RANBP17: variants seen among roughly 807,000 people sequenced by gnomAD.
RANBP17 encodes ran-binding protein 17.
In RANBP17, 158 loss-of-function variants were observed where a neutral mutation model predicts 141.2. That is an observed-to-expected ratio of 1.12 (90% CI 0.98 to 1.28). The LOEUF (loss-of-function observed/expected upper bound fraction) is 1.28. Among genes scored for constraint, RANBP17 ranks in the 50% most tolerant of loss-of-function variants. The pLI is 0.00. For missense variants in RANBP17, 1,438 were observed against 1,290.7 expected (o/e 1.11, Z -1.75); for synonymous variants, 430 against 450.0 (o/e 0.96, Z 0.56).
At chr5:171,137,594 G>GTGTC (rs976814360) in intron 14 of RANBP17, among the ~76,000 whole-genome samples, 3 of 143,620 alleles carry the variant, frequency 2.1e-5, no homozygotes, top group South Asian at 2.1e-4. Flanking sequence ...GTGTGTGTGT[G>GTGTC]TGTGTGTGTG....
At chr5:171,191,499 A>G (rs1007735846) in intron 18 of RANBP17, among the ~76,000 whole-genome samples, 2 of 152,104 alleles carry the variant, frequency 1.3e-5, no homozygotes, top group Non-Finnish European at 2.9e-5. Context: ...CATCCTGGCT[A>G]ACATGGTGAA....
chr5:171,097,886 G>A (rs1423267591), intron 14 of RANBP17, among the ~76,000 whole-genome samples: 1 of 151,898 alleles, frequency 6.6e-6, no homozygotes, highest in Non-Finnish European at 1.5e-5. Context: ...AACATGTGGT[G>A]TTTGGTTTTC....
intron 14 of RANBP17, among the ~76,000 whole-genome samples, chr5:171,097,144 G>GA (rs1339223240): frequency 6.6e-6 from 1 of 151,998 alleles, no homozygotes; most frequent in East Asian, 1.9e-4. Context: ...GTGGAGGGAA[G>GA]AAATTTGAGT....
rs374182012 is a variant in RANBP17, at chr5:170,893,568, C to T, written c.423+1015C>T. On this transcript the variant is annotated intron_variant, in intron 4 of 27. Coordinates refer to ENST00000523189, the MANE Select transcript of RANBP17 (RefSeq NM_022897.5). ...CAGCACTTTGGGAGGCCAAGGCGTG[C>T]GGATCATGAGGTCAGGAGATCGAGA... Among the ~76,000 whole-genome samples, 92 of 151,892 alleles carry T rather than the reference C, an allele frequency of 6.1e-4. 1 individual carries two copies. The South Asian group carries it at 0.013, about 21-fold the overall frequency.
In RANBP17 at chr5:170,968,346, A is replaced by T. The variant is rs1776740239; in HGVS notation, c.1679A>T (p.Tyr560Phe). 6.2e-7 allele frequency: 1 copy of T among 1,607,182 alleles called. No individual in the cohort carries two copies. The highest frequency in any genetic ancestry group is 1.7e-5 in the Admixed American group (1 of 58,708). The change falls in exon 14 of 28, where the codon TAT becomes TTT. Residue 560 changes from tyrosine (Y) to phenylalanine (F), a missense_variant. Coordinates refer to ENST00000523189, the MANE Select transcript of RANBP17 (RefSeq NM_022897.5). ...TTCTTGGATCAGTTTCGTAAAACAT[A>T]TGTTGGTGATCAACTTCAAAGAACC... Reference protein sequence around the residue: ...LWFLDQFRKTYVGDQLQRTSK... With the variant: ...LWFLDQFRKTFVGDQLQRTSK...
intron 14 of RANBP17, among the ~76,000 whole-genome samples, chr5:171,097,670 A>G (rs1786801569): frequency 6.7e-6 from 1 of 149,082 alleles, no homozygotes; most frequent in South Asian, 2.1e-4. Flanking sequence ...AAGTTCTGGG[A>G]TACATGTGCA....
chr5:171,150,398 T>C (rs1758387383), intron 14 of RANBP17, among the ~76,000 whole-genome samples: 1 of 152,014 alleles, frequency 6.6e-6, no homozygotes, highest in East Asian at 1.9e-4. Flanking sequence ...TGATAGAATG[T>C]AAATATTAAT....
intron 14 of RANBP17, among the ~76,000 whole-genome samples, chr5:171,103,251 A>G (rs1018890525): frequency 6.6e-6 from 1 of 152,164 alleles, no homozygotes; most frequent in African/African-American, 2.4e-5. Context: ...AACTTTATCT[A>G]TAAGCCCCTG....
In RANBP17 at chr5:171,233,107, G is replaced by A. The variant is rs561405143; in HGVS notation, c.2423-7821G>A. ...TGTAGTCCTAGCACTTTGGGAGGCT[G>A]ATGCAGGATTGCTTGAGCCCAGGAG... On this transcript the variant is annotated intron_variant, in intron 22 of 27. Transcript: ENST00000523189. 1.1e-4 allele frequency among the ~76,000 whole-genome samples: 16 copies of A among 152,308 alleles called. No homozygotes were observed. The South Asian group carries it at 3.1e-3, about 30-fold the overall frequency.
intron 14 of RANBP17, among the ~76,000 whole-genome samples, chr5:171,067,585 A>G (rs993155368): frequency 6.6e-6 from 1 of 151,998 alleles, no homozygotes; most frequent in Non-Finnish European, 1.5e-5. Context: ...GGGCTTCTTT[A>G]GCTTCTTAAA....
At chr5:171,092,826 T>C (rs1411559316) in intron 14 of RANBP17, among the ~76,000 whole-genome samples, 2 of 152,202 alleles carry the variant, frequency 1.3e-5, no homozygotes, top group Non-Finnish European at 2.9e-5. Flanking sequence ...CTTCTTATGT[T>C]CTGAGAAGAA....
chr5:170,956,268 A>C (rs1158478004), intron 13 of RANBP17, among the ~76,000 whole-genome samples: 3 of 151,952 alleles, frequency 2.0e-5, no homozygotes, highest in African/African-American at 7.2e-5. Flanking sequence ...AAGACCTTAA[A>C]ATTGTTATAC....
intron 1 of RANBP17, 80 bp downstream of exon 1, chr5:170,862,131 G>A: frequency 7.4e-7 from 1 of 1,343,330 alleles, no homozygotes; most frequent in Non-Finnish European, 9.6e-7. Context: ...CGAGGGCCGA[G>A]GACAGCGGCG....
At chr5:170,954,312 T>C (rs576537355) in intron 13 of RANBP17, among the ~76,000 whole-genome samples, 3 of 152,192 alleles carry the variant, frequency 2.0e-5, no homozygotes, top group Non-Finnish European at 4.4e-5. Context: ...ACTACTGTTA[T>C]TTTGTAAAGT....
intron 7 of RANBP17, among the ~76,000 whole-genome samples, chr5:170,912,356 A>G (rs1241747161): frequency 6.6e-6 from 1 of 152,012 alleles, no homozygotes; most frequent in Non-Finnish European, 1.5e-5. Flanking sequence ...AGAAATTACC[A>G]TTGTAGGAAA....
At chr5:170,863,120 C>T (rs1236251499) in intron 1 of RANBP17, among the ~76,000 whole-genome samples, 1 of 152,122 alleles carries the variant, frequency 6.6e-6, no homozygotes, top group Non-Finnish European at 1.5e-5. Context: ...AACTTGCAGT[C>T]TACTGGTCCT....
intron 1 of RANBP17, among the ~76,000 whole-genome samples, chr5:170,862,309 C>T (rs955384221): frequency 8.5e-5 from 13 of 152,162 alleles, no homozygotes; most frequent in Admixed American, 2.6e-4. Flanking sequence ...GGGCGGGGGA[C>T]AGGCCCAGGG....
Position 171,283,393 on chromosome 5 carries a change from G to A in RANBP17, c.2944-10490G>A, listed in dbSNP as rs1404809803. 3.3e-5 allele frequency among the ~76,000 whole-genome samples: 5 copies of A among 152,184 alleles called. No homozygotes were observed. In the South Asian group the frequency reaches 8.3e-4, roughly 25 times the overall value. ...TGAGGAATGAGGTTCTATTCCCAAC[G>A]CTTTCAGTCACTAGCATTCCTTGGG... On this transcript the variant is annotated intron_variant, in intron 25 of 27. Transcript: ENST00000523189.
chr5:171,221,339 G>A (rs1267474267), intron 21 of RANBP17, among the ~76,000 whole-genome samples: 1 of 152,152 alleles, frequency 6.6e-6, no homozygotes, highest in Non-Finnish European at 1.5e-5. Flanking sequence ...TTTAGAATTT[G>A]TTTTAAAAAT....
Sources: allele counts gnomAD v4.1 joint callset (sites outside exome capture counted in the v4.1 genomes callset), GRCh38; gene constraint gnomAD v4.1.1; transcripts MANE v1.5; gene names NCBI Gene and HGNC (gene_info 2026-07-23, HGNC 2026-07-21).